SERGEF: variants seen among roughly 807,000 people sequenced by gnomAD.
SERGEF encodes secretion regulating guanine nucleotide exchange factor, also known as secretion-regulating guanine nucleotide exchange factor.
SERGEF carries 51 observed loss-of-function variants against 50.0 expected under a neutral mutation model. The observed-to-expected ratio is 1.02, with a 90% confidence interval of 0.81 to 1.29. The LOEUF (loss-of-function observed/expected upper bound fraction) is 1.29, where lower values mean the gene tolerates loss of function less well. Ranked by LOEUF, SERGEF falls within the 50% of genes most tolerant of loss-of-function variation. The pLI is 0.00. For synonymous variants in SERGEF, 205 were observed against 212.4 expected, an observed-to-expected ratio of 0.97 and a Z score of 0.30; for missense variants, 521 against 557.0, an observed-to-expected ratio of 0.94 and a Z score of 0.65.
intron 10 of SERGEF, among the ~76,000 whole-genome samples, chr11:17,836,666 C>T (rs1850404672): frequency 6.6e-6 from 1 of 152,202 alleles, no homozygotes; most frequent in Admixed American, 6.5e-5. Flanking sequence ...CTTGAATATA[C>T]TCCTTTCCTT....
At chr11:17,885,291 A>T (rs1161191679) in intron 9 of SERGEF, among the ~76,000 whole-genome samples, 1 of 152,066 alleles carries the variant, frequency 6.6e-6, no homozygotes, top group East Asian at 1.9e-4. Flanking sequence ...CAATGACTTT[A>T]AGCTTTCTTC....
intron 10 of SERGEF, among the ~76,000 whole-genome samples, chr11:17,788,722 C>T (rs1490001063): frequency 6.6e-6 from 1 of 152,210 alleles, no homozygotes; most frequent in Non-Finnish European, 1.5e-5. Flanking sequence ...GACCTACTGA[C>T]TCTGCCTCCA....
intron 8 of SERGEF, among the ~76,000 whole-genome samples, chr11:17,973,571 A>T (rs1348959665): frequency 6.6e-6 from 1 of 152,174 alleles, no homozygotes; most frequent in African/African-American, 2.4e-5. Flanking sequence ...AGCCTATCCT[A>T]GGATGCCAAT....
chr11:17,917,505 T>C (rs1852071531), intron 9 of SERGEF, among the ~76,000 whole-genome samples: 1 of 152,082 alleles, frequency 6.6e-6, no homozygotes, highest in South Asian at 2.1e-4. Context: ...AATCACACAA[T>C]CACCGCTAAA....
At chr11:17,937,582 A>G (rs1362052937) in intron 9 of SERGEF, among the ~76,000 whole-genome samples, 1 of 152,122 alleles carries the variant, frequency 6.6e-6, no homozygotes, top group Admixed American at 6.6e-5. Context: ...TTACAATGGT[A>G]TAAGTGGTTT....
intron 10 of SERGEF, among the ~76,000 whole-genome samples, chr11:17,837,218 T>G (rs1015546338): frequency 6.6e-6 from 1 of 152,158 alleles, no homozygotes; most frequent in Non-Finnish European, 1.5e-5. Flanking sequence ...TGATCTATAC[T>G]AATTGAGTAC....
intron 9 of SERGEF, among the ~76,000 whole-genome samples, chr11:17,935,689 C>T (rs1463378550): frequency 6.6e-6 from 1 of 152,106 alleles, no homozygotes; most frequent in East Asian, 1.9e-4. Flanking sequence ...ATTCAGGAAC[C>T]ATTCATTCAC....
chr11:17,844,190 T>C (rs1264370753), intron 10 of SERGEF, among the ~76,000 whole-genome samples: 4 of 152,180 alleles, frequency 2.6e-5, no homozygotes, highest in Non-Finnish European at 5.9e-5. Context: ...GGTATCCAAT[T>C]CACAGTCAAA....
At chr11:17,915,008 C>T (rs777700139) in intron 9 of SERGEF, among the ~76,000 whole-genome samples, 3 of 152,200 alleles carry the variant, frequency 2.0e-5, no homozygotes, top group Non-Finnish European at 4.4e-5. Context: ...GAACGGCTTT[C>T]CTTATTGCAA....
intron 10 of SERGEF, among the ~76,000 whole-genome samples, chr11:17,872,504 G>A (rs994609274): frequency 6.6e-6 from 1 of 152,150 alleles, no homozygotes; most frequent in Non-Finnish European, 1.5e-5. Context: ...TATTAAGGAG[G>A]CTGCAATAAA....
Position 17,985,167 on chromosome 11 carries a change from T to C in SERGEF, c.844+3430A>G, listed in dbSNP as rs1213418236. Reference sequence around the variant, plus strand: ...GGCTAGTAGTCTCAAGGTGGCATTATCCCTGTGGAAACAGAAGTCTTTCTA... The same window carrying C: ...GGCTAGTAGTCTCAAGGTGGCATTACCCCTGTGGAAACAGAAGTCTTTCTA... On this transcript the variant is annotated intron_variant, in intron 8 of 10. Coordinates refer to ENST00000265965, the MANE Select transcript of SERGEF (RefSeq NM_012139.4). Among the ~76,000 whole-genome samples the C allele has an allele frequency of 2.0e-5, 3 of 152,310 alleles. No individual in the cohort carries two copies. In the East Asian group the frequency reaches 5.8e-4, roughly 29 times the overall value.
At chr11:17,828,802 G>C (rs1850246392) in intron 10 of SERGEF, among the ~76,000 whole-genome samples, 2 of 152,124 alleles carry the variant, frequency 1.3e-5, no homozygotes. Flanking sequence ...CCTAGTGCCT[G>C]AGCTTTAAAT....
intron 10 of SERGEF, among the ~76,000 whole-genome samples, chr11:17,861,870 A>G (rs1850933180): frequency 6.6e-6 from 1 of 152,204 alleles, no homozygotes; most frequent in Non-Finnish European, 1.5e-5. Flanking sequence ...AAAAGCAAAA[A>G]CTTACCAAAT....
intron 10 of SERGEF, among the ~76,000 whole-genome samples, chr11:17,870,144 T>G (rs573761311): frequency 1.3e-4 from 20 of 152,330 alleles, no homozygotes; most frequent in Non-Finnish European, 2.9e-4. Flanking sequence ...AGAAGGTGCC[T>G]TGCTTCCCCT....
At chr11:17,903,472 T>C (rs953040921) in intron 9 of SERGEF, among the ~76,000 whole-genome samples, 2 of 152,204 alleles carry the variant, frequency 1.3e-5, no homozygotes, top group South Asian at 4.1e-4. Context: ...AGATATTTCC[T>C]TTTTCCCTCC....
At chr11:17,967,153 A>G (rs555912487) in intron 8 of SERGEF, among the ~76,000 whole-genome samples, 3 of 152,360 alleles carry the variant, frequency 2.0e-5, no homozygotes, top group African/African-American at 7.2e-5. Context: ...AGATGAAAAT[A>G]TTAACGCATA....
intron 8 of SERGEF, among the ~76,000 whole-genome samples, chr11:17,968,884 G>A (rs1433449736): frequency 6.6e-6 from 1 of 152,012 alleles, no homozygotes; most frequent in Non-Finnish European, 1.5e-5. Context: ...TGGAGGCCCA[G>A]GACCAGTGTC....
intron 9 of SERGEF, among the ~76,000 whole-genome samples, chr11:17,889,232 T>C (rs1851488286): frequency 6.6e-6 from 1 of 152,220 alleles, no homozygotes; most frequent in African/African-American, 2.4e-5. Flanking sequence ...TTAAAGTATC[T>C]CTTCACAGAT....
chr11:17,855,284 C>T (rs1209776864), intron 10 of SERGEF: 1 of 152,050 alleles, frequency 6.6e-6, no homozygotes, highest in Non-Finnish European at 1.5e-5. Flanking sequence ...GAGTAAATTA[C>T]TTAAGGTAAT....
Sources: gnomAD v4.1 joint callset for allele counts (sites outside exome capture counted in the v4.1 genomes callset) on GRCh38, gnomAD v4.1.1 for gene constraint, MANE v1.5 for transcripts, NCBI Gene and HGNC (gene_info 2026-07-23, HGNC 2026-07-21) for gene names.